Variants in OPHN1 observed in about 807,000 individuals in gnomAD.
OPHN1 encodes oligophrenin-1.
A neutral mutation model predicts 60.7 loss-of-function variants in OPHN1; 11 were observed. That is an observed-to-expected ratio of 0.18 (90% CI 0.11 to 0.30). The LOEUF (loss-of-function observed/expected upper bound fraction) is 0.30. OPHN1 is among the 10% of genes least tolerant of loss of function. OPHN1 has a pLI of 1.00. For synonymous variants in OPHN1, 226 were observed against 222.6 expected, an observed-to-expected ratio of 1.02 and a Z score of -0.14; for missense variants, 449 against 611.0, an observed-to-expected ratio of 0.73 and a Z score of 2.80.
chrX:68,258,518 G>GT (rs1395380838), intron 5 of OPHN1, among the ~76,000 whole-genome samples: 1 of 104,611 alleles, frequency 9.6e-6, no homozygotes, highest in Non-Finnish European at 1.9e-5. Context: ...GCAGTGTTTG[G>GT]TTTTTTGTCC....
chrX:68,070,488 G>A (rs1197555909), intron 20 of OPHN1: 3 of 599,420 alleles, frequency 5.0e-6, no homozygotes, highest in Admixed American at 4.5e-5. Context: ...TGACTTAGGG[G>A]CTGTGCACAG....
intron 2 of OPHN1, among the ~76,000 whole-genome samples, chrX:68,307,286 A>AT (rs200557998): frequency 2.1e-5 from 2 of 97,192 alleles, no homozygotes; most frequent in African/African-American, 1.0e-4. Flanking sequence ...CTACCAAAAA[A>AT]AAAATAATAA....
At chrX:68,340,407 C>CACATT (rs1263258322) in intron 2 of OPHN1, among the ~76,000 whole-genome samples, 1 of 112,141 alleles carries the variant, frequency 8.9e-6, no homozygotes, top group Non-Finnish European at 1.9e-5. Flanking sequence ...AATAAGCCTA[C>CACATT]ACATTTGTGG....
At chrX:68,178,634 C>A (rs531501347) in intron 15 of OPHN1, among the ~76,000 whole-genome samples, 112 of 111,604 alleles carry the variant, frequency 1.0e-3, no homozygotes, top group African/African-American at 3.6e-3. Flanking sequence ...AAACTCCTGA[C>A]CTCAGGTGAT....
intron 2 of OPHN1, among the ~76,000 whole-genome samples, chrX:68,316,249 T>G (rs1290532716): frequency 9.0e-6 from 1 of 111,577 alleles, no homozygotes; most frequent in Non-Finnish European, 1.9e-5. Flanking sequence ...AACAGTCCTC[T>G]TTCAACAATG....
At chrX:68,145,726 AT>A (rs746594755) in intron 15 of OPHN1, among the ~76,000 whole-genome samples, 24 of 111,976 alleles carry the variant, frequency 2.1e-4, no homozygotes, top group South Asian at 7.4e-4. Context: ...CCATAAATGC[AT>A]TTTTTAGCAG....
intron 5 of OPHN1, among the ~76,000 whole-genome samples, chrX:68,264,136 C>T (rs187905810): frequency 0.026 from 2,879 of 111,151 alleles, 50 homozygotes; most frequent in Non-Finnish European, 0.038. Context: ...CATGTTAGAC[C>T]TAAAACCATA....
At chrX:68,137,224 C>T (rs1207133650) in intron 15 of OPHN1, among the ~76,000 whole-genome samples, 1 of 111,403 alleles carries the variant, frequency 9.0e-6, no homozygotes, top group Non-Finnish European at 1.9e-5. Flanking sequence ...ATTTCTTTAC[C>T]TGAAAAAGCC....
At chrX:68,376,609 A>T (rs887198504) in intron 2 of OPHN1, among the ~76,000 whole-genome samples, 2 of 111,304 alleles carry the variant, frequency 1.8e-5, no homozygotes, top group Non-Finnish European at 3.8e-5. Context: ...CTCCTCAGTC[A>T]TGCTTCCCTT....
chrX:68,309,817 A>G (rs992121150), intron 2 of OPHN1, among the ~76,000 whole-genome samples: 3 of 111,932 alleles, frequency 2.7e-5, no homozygotes, highest in Non-Finnish European at 3.8e-5. Context: ...TAGCTGTTTA[A>G]CATGGCCCCT....
At chrX:68,210,431 T>C (rs2077579751) in intron 8 of OPHN1, 149 bp from the exon 9 acceptor site, 2 of 569,889 alleles carry the variant, frequency 3.5e-6, no homozygotes, top group Admixed American at 3.3e-5. Context: ...GCATAGTGAA[T>C]GGAAAACAAG....
At chrX:68,125,954 T>TATATATATATATATATAC (rs1262640434) in intron 15 of OPHN1, among the ~76,000 whole-genome samples, 2,055 of 55,325 alleles carry the variant, frequency 0.037, 301 homozygotes, top group Non-Finnish European at 0.059. Flanking sequence ...TATATATATA[T>TATATATATATATATATAC]ATACATACAC....
intron 2 of OPHN1, among the ~76,000 whole-genome samples, chrX:68,360,376 T>C (rs2078466109): frequency 9.0e-6 from 1 of 110,544 alleles, no homozygotes; most frequent in Non-Finnish European, 1.9e-5. Context: ...AGAGTCTCAT[T>C]ATGTTGCCCA....
chrX:68,131,848 T>G (rs1569221106), intron 15 of OPHN1, among the ~76,000 whole-genome samples: 1 of 112,302 alleles, frequency 8.9e-6, no homozygotes, highest in African/African-American at 3.2e-5. Flanking sequence ...AAAACATCAG[T>G]AAGTTCCATA....
chrX:68,060,513 T>A (rs1265405167), intron 21 of OPHN1, among the ~76,000 whole-genome samples: 1 of 112,152 alleles, frequency 8.9e-6, no homozygotes, highest in East Asian at 2.8e-4. Flanking sequence ...AAAGGATCCT[T>A]GATAAAATTC....
intron 20 of OPHN1, among the ~76,000 whole-genome samples, chrX:68,072,151 G>A (rs1017426226): frequency 1.8e-5 from 2 of 112,106 alleles, no homozygotes; most frequent in African/African-American, 6.5e-5. Flanking sequence ...GTAGGAGCAG[G>A]TTAAGAAAGA....
chrX:68,054,536 C>T (rs886346518), intron 21 of OPHN1, among the ~76,000 whole-genome samples: 1 of 108,683 alleles, frequency 9.2e-6, no homozygotes, highest in Non-Finnish European at 1.9e-5. Flanking sequence ...GGAACAGGCC[C>T]AAATGGACTA....
chrX:68,226,071 T>C (rs933843536), intron 6 of OPHN1, among the ~76,000 whole-genome samples: 14 of 111,885 alleles, frequency 1.3e-4, no homozygotes, highest in African/African-American at 4.5e-4. Flanking sequence ...GCATGAGAAC[T>C]ACATGACACA....
chrX:68,171,505 G>T (rs1289926061), intron 15 of OPHN1, among the ~76,000 whole-genome samples: 1 of 111,370 alleles, frequency 9.0e-6, no homozygotes. Flanking sequence ...GGAGGCTGAG[G>T]CGGGCAGATC....
Sources: gnomAD v4.1 joint callset for allele counts (sites outside exome capture counted in the v4.1 genomes callset) on GRCh38, gnomAD v4.1.1 for gene constraint, MANE v1.5 for transcripts, NCBI Gene and HGNC (gene_info 2026-07-23, HGNC 2026-07-21) for gene names.